The following GMDS variants were observed in gnomAD, a reference collection of about 807,000 sequenced individuals.
GMDS encodes GDP-mannose 4,6 dehydratase.
Under a neutral mutation model 49.9 loss-of-function variants are expected in GMDS, and 20 were observed. That is an observed-to-expected ratio of 0.40 (90% confidence interval 0.28 to 0.58). The LOEUF is 0.58. Ranked by LOEUF, GMDS falls within the 20% of genes least tolerant of loss-of-function variation. GMDS has a pLI of 0.42. For synonymous variants in GMDS, 177 were observed against 178.6 expected (o/e 0.99, Z 0.07); for missense variants, 362 against 481.4 (o/e 0.75, Z 2.32).
rs1427781468 is a variant in GMDS, at chr6:2,191,015, G to A, written c.102+54306C>T. ...ACTGCTGCGGGGAGGGCACCAGGAG[G>A]AGGCAGCACTGGGGGACCCAGGGCG... On this transcript the variant is annotated intron_variant, in intron 1 of 10. Coordinates refer to ENST00000380815, the MANE Select transcript of GMDS (RefSeq NM_001500.4). This position sits in a 1 kb window ranked among gnomAD's most constrained non-coding sequence, Gnocchi z 4.6. Among the ~76,000 whole-genome samples, 1 of 152,132 alleles carries A rather than the reference G, an allele frequency of 6.6e-6. No individual in the cohort carries two copies. The highest frequency in any genetic ancestry group is 2.4e-5 in the African/African-American group (1 of 41,428).
At chr6:1,904,299 G>C (rs1229662571) in intron 7 of GMDS, among the ~76,000 whole-genome samples, 2 of 152,118 alleles carry the variant, frequency 1.3e-5, no homozygotes, top group African/African-American at 4.8e-5. Context: ...CTTATCTCTG[G>C]GAAAAGGAGG....
At chr6:1,693,317 G>A (rs1436679361) in intron 9 of GMDS, among the ~76,000 whole-genome samples, 1 of 152,212 alleles carries the variant, frequency 6.6e-6, no homozygotes, top group Non-Finnish European at 1.5e-5. Flanking sequence ...CACCTCTGCA[G>A]ATCTCTGGAG....
chr6:2,245,272 A>G, intron 1 of GMDS, 49 bp downstream of exon 1: 1 of 1,236,130 alleles, frequency 8.1e-7, no homozygotes, highest in Non-Finnish European at 1.1e-6. Context: ...TAGGGAGAGC[A>G]CGCGTGCCCA....
At chr6:1,663,600 C>T (rs558339236) in intron 9 of GMDS, among the ~76,000 whole-genome samples, 3 of 152,266 alleles carry the variant, frequency 2.0e-5, no homozygotes, top group East Asian at 1.9e-4. Context: ...TGGCCTGCAC[C>T]GCCTTATGTG....
intron 1 of GMDS, among the ~76,000 whole-genome samples, chr6:2,145,191 C>T (rs1379329557): frequency 6.6e-6 from 1 of 152,190 alleles, no homozygotes; most frequent in Non-Finnish European, 1.5e-5. Flanking sequence ...TCACATATAA[C>T]AGAAACATTT....
chr6:1,768,916 T>G (rs564624251), intron 7 of GMDS, among the ~76,000 whole-genome samples: 2 of 152,368 alleles, frequency 1.3e-5, no homozygotes, highest in Non-Finnish European at 2.9e-5. Flanking sequence ...TCATTTTTTG[T>G]GTGCTTATTC....
intron 4 of GMDS, among the ~76,000 whole-genome samples, chr6:1,990,527 A>G (rs1236554902): frequency 1.3e-5 from 2 of 152,192 alleles, no homozygotes; most frequent in African/African-American, 4.8e-5. Context: ...TTACTAATAC[A>G]TAGTGGAACA....
At chr6:1,832,681 C>T (rs1013988437) in intron 7 of GMDS, among the ~76,000 whole-genome samples, 2 of 152,142 alleles carry the variant, frequency 1.3e-5, no homozygotes, top group African/African-American at 2.4e-5. Context: ...AATAGTCCAC[C>T]ACATGCATTG....
At chr6:2,080,565 A>G (rs1243970527) in intron 4 of GMDS, among the ~76,000 whole-genome samples, 11 of 151,992 alleles carry the variant, frequency 7.2e-5, no homozygotes, top group African/African-American at 2.7e-4. Flanking sequence ...TCTCTGTAAG[A>G]TTTCTTCAGC....
chr6:1,775,289 G>A lies in GMDS; in HGVS notation c.772-32703C>T, dbSNP rs1768752680. The stretch of plus-strand genomic sequence containing the variant: ...TTGGAGATACTGGAAGAGCCAAAAC[G>A]ATGCAAATATTAAAAGACAAACACT... On this transcript the variant is annotated intron_variant, in intron 7 of 10. Transcript: ENST00000380815. Among the ~76,000 whole-genome samples, 6 of 152,108 alleles carry A rather than the reference G, an allele frequency of 3.9e-5. No homozygotes were observed. The South Asian group carries it at 1.2e-3, about 32-fold the overall frequency.
chr6:2,047,490 T>A (rs1770091561), intron 4 of GMDS, among the ~76,000 whole-genome samples: 1 of 152,164 alleles, frequency 6.6e-6, no homozygotes, highest in Admixed American at 6.5e-5. Context: ...ATAATTTTGT[T>A]TTTTCTTTTT....
intron 7 of GMDS, among the ~76,000 whole-genome samples, chr6:1,835,771 CAAA>C (rs1417484368): frequency 6.6e-6 from 1 of 151,912 alleles, no homozygotes; most frequent in Non-Finnish European, 1.5e-5. Context: ...GGTAATAGGG[CAAA>C]AAATAACTGT....
intron 7 of GMDS, among the ~76,000 whole-genome samples, chr6:1,774,299 TAACC>T (rs1264320928): frequency 1.3e-5 from 2 of 152,220 alleles, no homozygotes; most frequent in Admixed American, 6.5e-5. Context: ...TGTCACAGGC[TAACC>T]ACCCCCGCTG....
chr6:1,981,874 C>T (rs1416953327), intron 4 of GMDS, among the ~76,000 whole-genome samples: 6 of 152,202 alleles, frequency 3.9e-5, no homozygotes, highest in African/African-American at 1.4e-4. Context: ...TTAACATACA[C>T]AAATCAATAA....
intron 4 of GMDS, among the ~76,000 whole-genome samples, chr6:2,026,954 T>A (rs754490936): frequency 6.6e-6 from 1 of 152,150 alleles, no homozygotes; most frequent in Non-Finnish European, 1.5e-5. Context: ...GGAACACAGA[T>A]CATATAAGAA....
chr6:2,089,404 C>A (rs1379832641), intron 4 of GMDS, among the ~76,000 whole-genome samples: 1 of 151,326 alleles, frequency 6.6e-6, no homozygotes, highest in East Asian at 1.9e-4. Flanking sequence ...GAACCGAGAA[C>A]AAAATAAAAT....
chr6:2,016,220 C>T (rs1180631864), intron 4 of GMDS, among the ~76,000 whole-genome samples: 1 of 150,324 alleles, frequency 6.7e-6, no homozygotes, highest in African/African-American at 2.5e-5. Context: ...GATTGCGCCA[C>T]TGCACTCTAG....
chr6:2,219,890 T>C (rs1780505294), intron 1 of GMDS, among the ~76,000 whole-genome samples: 2 of 152,208 alleles, frequency 1.3e-5, no homozygotes, highest in African/African-American at 4.8e-5. Context: ...ACTTTTTTAG[T>C]GTCAACATGG....
chr6:2,044,764 G>A (rs1015275061), intron 4 of GMDS, among the ~76,000 whole-genome samples: 1 of 152,148 alleles, frequency 6.6e-6, no homozygotes, highest in African/African-American at 2.4e-5. Context: ...GTGAATACAG[G>A]AAATGCCATT....
Sources: gnomAD v4.1 joint callset for allele counts (sites outside exome capture counted in the v4.1 genomes callset) on GRCh38, gnomAD v4.1.1 for gene constraint, Gnocchi (gnomAD v3.1) non-coding constraint, MANE v1.5 for transcripts, NCBI Gene and HGNC (gene_info 2026-07-23, HGNC 2026-07-21) for gene names.